Variants in ARID4B observed in about 807,000 individuals in gnomAD.
ARID4B encodes the protein AT-rich interactive domain-containing protein 4B.
A neutral mutation model predicts 147.5 loss-of-function variants in ARID4B; 26 were observed. The observed-to-expected ratio is 0.18, with a 90% CI of 0.13 to 0.24. The LOEUF (loss-of-function observed/expected upper bound fraction) is 0.24. Ranked by LOEUF, ARID4B falls within the 10% of genes least tolerant of loss-of-function variation. The pLI, the probability that ARID4B is intolerant of heterozygous loss-of-function variation, is 1.00. For synonymous variants in ARID4B, 512 were observed against 507.9 expected (o/e 1.01, Z -0.11); for missense variants, 1,179 against 1,511.5 (o/e 0.78, Z 3.65).
rs201020365 is a variant in ARID4B at position 235,172,783 on chromosome 1, C to A, written c.3665-19G>T. ...AGGTCCGCTATAAATTTAAAGCTTT[C>A]ATTAACAGACATTTTTAAAGAAAAT... is the stretch of plus-strand genomic sequence containing the variant. On this transcript the variant is annotated intron_variant, in intron 22 of 23. Coordinates refer to ENST00000264183, the MANE Select transcript of ARID4B (RefSeq NM_016374.6). 86 of 1,508,516 alleles carry A rather than the reference C, an allele frequency of 5.7e-5. No individual in the cohort carries two copies. The Admixed American group carries it at 1.6e-3, about 28-fold the overall frequency. The allele number at this position is 1,508,516 out of a possible 1,614,324, so 93.4% of individuals were successfully genotyped here.
chr1:235,244,630 T>C (rs192328182), intron 7 of ARID4B, among the ~76,000 whole-genome samples: 7 of 152,252 alleles, frequency 4.6e-5, no homozygotes, highest in Admixed American at 1.3e-4. Context: ...GATTAACTGA[T>C]ACGTGGAATA....
At chr1:235,309,122 C>G (rs1296913319) in intron 2 of ARID4B, among the ~76,000 whole-genome samples, 1 of 150,698 alleles carries the variant, frequency 6.6e-6, no homozygotes, top group Non-Finnish European at 1.5e-5. Flanking sequence ...CACCTCTGCC[C>G]CGCCGCCCCG....
chr1:235,302,836 G>A (rs1198825218), intron 2 of ARID4B, among the ~76,000 whole-genome samples: 1 of 152,186 alleles, frequency 6.6e-6, no homozygotes. Flanking sequence ...TAAAATTTAA[G>A]CATCACAGAA....
intron 19 of ARID4B, among the ~76,000 whole-genome samples, chr1:235,191,019 T>C (rs948021054): frequency 3.3e-5 from 5 of 152,208 alleles, no homozygotes; most frequent in Non-Finnish European, 5.9e-5. Context: ...TGTATTTATC[T>C]TGTTTCAACT....
intron 20 of ARID4B, chr1:235,180,130 GTTTTTTC>G (rs1558173143): frequency 8.6e-6 from 1 of 116,884 alleles, no homozygotes; most frequent in Non-Finnish European, 1.8e-5. Context: ...TTCTTTTCTT[GTTTTTTC>G]TTTTTTTTTT....
chr1:235,265,490 G>A (rs1670544159), intron 2 of ARID4B, among the ~76,000 whole-genome samples: 1 of 151,974 alleles, frequency 6.6e-6, no homozygotes, highest in Admixed American at 6.6e-5. Context: ...CTTGAGCCCA[G>A]GAGTTCAAAA....
chr1:235,244,446 A>C (rs1669175105), intron 7 of ARID4B, among the ~76,000 whole-genome samples: 1 of 152,202 alleles, frequency 6.6e-6, no homozygotes, highest in Admixed American at 6.5e-5. Flanking sequence ...AATTCAATCC[A>C]GTAATACATT....
chr1:235,241,461 A>G (rs1252313360), intron 7 of ARID4B, among the ~76,000 whole-genome samples: 2 of 152,200 alleles, frequency 1.3e-5, no homozygotes, highest in Non-Finnish European at 2.9e-5. Context: ...AAAGTATGAC[A>G]AAGTAACCGT....
In ARID4B at chr1:235,196,078, G is replaced by C; in HGVS notation, c.1879C>G (p.Pro627Ala). ...ATCTTTGGCACATTTTTATCAGCAGGTCTTACTATTTTATCTGCTTTAATC... is the reference window on the plus strand; with the variant it reads ...ATCTTTGGCACATTTTTATCAGCAGCTCTTACTATTTTATCTGCTTTAATC... Reference protein sequence around the residue: ...EWIKADKIVRPADKNVPKIKH... With the variant: ...EWIKADKIVRAADKNVPKIKH... Residue 627 changes from proline to alanine, a missense_variant, in exon 18 of 24, where the codon CCT (proline) becomes GCT (alanine). By Grantham distance (27) the Pro-to-Ala change is conservative (BLOSUM62 -1). This residue lies in a region of ARID4B where 321 missense variants were observed against 342.4 expected (regional missense o/e 0.94). Coordinates refer to ENST00000264183, the MANE Select transcript of ARID4B (RefSeq NM_016374.6). The C allele has an allele frequency of 6.3e-7, 1 of 1,599,032 alleles. No individual in the cohort carries two copies. Among genetic ancestry groups the C allele is most frequent in the Non-Finnish European group, 8.5e-7 (1 of 1,173,238 alleles).
chr1:235,186,431 G>A (rs1484754275), intron 19 of ARID4B, among the ~76,000 whole-genome samples: 5 of 147,084 alleles, frequency 3.4e-5, no homozygotes, highest in Non-Finnish European at 7.4e-5. Flanking sequence ...TTTTTTAAGA[G>A]ACAGAGTCTC....
chr1:235,215,325 T>C (rs1666986787), intron 16 of ARID4B, among the ~76,000 whole-genome samples: 1 of 152,108 alleles, frequency 6.6e-6, no homozygotes, highest in Admixed American at 6.6e-5. Flanking sequence ...CTACATTTAG[T>C]CTGGTTTTAT....
chr1:235,282,745 A>G (rs1671738498), intron 2 of ARID4B, among the ~76,000 whole-genome samples: 2 of 152,298 alleles, frequency 1.3e-5, no homozygotes, highest in East Asian at 3.9e-4. Context: ...TTAACCAGAC[A>G]TGGAAATATT....
chr1:235,229,439 T>A, intron 10 of ARID4B, 54 bp from the exon 11 acceptor site: 1 of 1,247,104 alleles, frequency 8.0e-7, no homozygotes, highest in Non-Finnish European at 1.1e-6. Context: ...AATTGTTTTC[T>A]CAAAAAGTAT....
intron 23 of ARID4B, among the ~76,000 whole-genome samples, chr1:235,172,295 G>C (rs577294137): frequency 2.0e-4 from 30 of 152,286 alleles, no homozygotes; most frequent in South Asian, 1.2e-3. Context: ...AAAAATACTG[G>C]CAGGGCACTC....
intron 2 of ARID4B, among the ~76,000 whole-genome samples, chr1:235,311,682 G>T (rs760833665): frequency 9.2e-5 from 14 of 151,912 alleles, no homozygotes; most frequent in Non-Finnish European, 8.8e-5. Flanking sequence ...GCAGAAACAT[G>T]AGAATCTCTT....
chr1:235,173,113 AGGTG>A (rs1190867091), intron 22 of ARID4B, among the ~76,000 whole-genome samples: 1 of 152,154 alleles, frequency 6.6e-6, no homozygotes, highest in East Asian at 1.9e-4. Flanking sequence ...TGGGAGGCCG[AGGTG>A]GGCGGATCAC....
At chr1:235,169,736 A>G (rs1356725348) in intron 23 of ARID4B, among the ~76,000 whole-genome samples, 1 of 150,414 alleles carries the variant, frequency 6.6e-6, no homozygotes, top group Non-Finnish European at 1.5e-5. Flanking sequence ...ATCTCAGCTC[A>G]CTGCAACCTT....
intron 2 of ARID4B, among the ~76,000 whole-genome samples, chr1:235,320,600 C>T (rs572699428): frequency 6.6e-6 from 1 of 152,240 alleles, no homozygotes; most frequent in African/African-American, 2.4e-5. Context: ...CACTCAACAC[C>T]CTTCAAAGGG....
intron 2 of ARID4B, among the ~76,000 whole-genome samples, chr1:235,272,609 G>A (rs1234801925): frequency 2.0e-5 from 3 of 151,830 alleles, no homozygotes; most frequent in Non-Finnish European, 4.4e-5. Context: ...TCATCCTTGG[G>A]AAAAATTATT....
Sources: gnomAD v4.1 joint callset for allele counts (sites outside exome capture counted in the v4.1 genomes callset) on GRCh38, gnomAD v4.1.1 for gene constraint, gnomAD v4.1.1 regional missense constraint, MANE v1.5 for transcripts, NCBI Gene and HGNC (gene_info 2026-07-23, HGNC 2026-07-21) for gene names.